SLF2: variants seen among roughly 807,000 people sequenced by gnomAD.
SLF2 encodes SMC5-SMC6 complex localization factor protein 2.
In SLF2, 68 loss-of-function variants were observed where a neutral mutation model predicts 124.3. The ratio of observed to expected loss-of-function variants is 0.55; its 90% CI spans 0.45 to 0.67. SLF2 has a LOEUF of 0.67. SLF2 is among the 30% of genes least tolerant of loss of function. The probability of loss-of-function intolerance (pLI) is 0.00; values close to 1 mark genes in which losing one functional copy is unlikely to be tolerated. For synonymous variants in SLF2, 480 were observed against 478.8 expected (o/e 1.00, Z -0.03); for missense variants, 1,246 against 1,373.7 (o/e 0.91, Z 1.47).
Position 100,930,826 on chromosome 10 carries a change from A to G in SLF2, c.2334-150A>G, listed in dbSNP as rs564774092. The G allele has an allele frequency of 8.4e-6, 5 of 595,792 alleles. No individual in the cohort carries two copies. The African/African-American group carries it at 9.5e-5, about 11-fold the overall frequency. The allele number at this position is 595,792 out of a possible 1,614,324, so 36.9% of individuals were successfully genotyped here. A position where few individuals can be genotyped will look rare whatever the true frequency, so the allele number is the denominator to read the frequency against. ...ATCAATTAAATTTATTTTATGAGTA[A>G]CTCATCCATATTGGTATAGAGTCCA... On this transcript the variant is annotated intron_variant, in intron 8 of 19. Transcript: ENST00000238961.
chr10:100,947,639 C>CT lies in SLF2; in HGVS notation c.3033-119dup, dbSNP rs1464226488. 7 of 633,582 alleles carry CT rather than the reference C, an allele frequency of 1.1e-5. No homozygotes were observed. The African/African-American group carries it at 1.3e-4, about 12-fold the overall frequency. The allele number at this position is 633,582 out of a possible 1,614,324, so 39.2% of individuals were successfully genotyped here. A position where few individuals can be genotyped will look rare whatever the true frequency, so the allele number is the denominator to read the frequency against. Reference sequence around the variant, plus strand: ...AACAGCTTATATGTTCCTGTACAGACTTCTCTTGAAACATTGCCTATATTT... The same window carrying CT: ...AACAGCTTATATGTTCCTGTACAGACTTTCTCTTGAAACATTGCCTATATTT... On this transcript the variant is annotated intron_variant, in intron 14 of 19. Transcript: ENST00000238961.
chr10:100,958,136 G>T (rs1295979437), intron 18 of SLF2, among the ~76,000 whole-genome samples: 2 of 152,098 alleles, frequency 1.3e-5, no homozygotes. Context: ...TTTTAGCTTT[G>T]ATAATGTAAT....
Position 100,961,927 on chromosome 10 carries a change from G to C in SLF2, c.*15G>C. The stretch of plus-strand genomic sequence containing the variant: ...CAGATTCTTAATAGGAGTTGCAGCA[G>C]CAAAAATATGAACCAAGAGAAATTC... On this transcript the variant is annotated 3_prime_UTR_variant, in exon 20 of 20. Coordinates refer to ENST00000238961, the MANE Select transcript of SLF2 (RefSeq NM_018121.4). 1 of 1,601,098 alleles carries C rather than the reference G, an allele frequency of 6.2e-7. No individual in the cohort carries two copies. Among genetic ancestry groups the C allele is most frequent in the South Asian group, 1.1e-5 (1 of 89,490 alleles).
chr10:100,929,499 T>A, intron 7 of SLF2, 60 bp downstream of exon 7: 1 of 1,448,490 alleles, frequency 6.9e-7, no homozygotes, highest in South Asian at 1.5e-5. Context: ...TTTAGTTTTG[T>A]TTTTGTAAAA....
chr10:100,952,048 A>C (rs1850225408), intron 17 of SLF2, among the ~76,000 whole-genome samples: 1 of 152,066 alleles, frequency 6.6e-6, no homozygotes, highest in South Asian at 2.1e-4. Flanking sequence ...GTTCAAGACC[A>C]GCCTGGCCAG....
At chr10:100,949,598 C>CTTTTT (rs1283936572) in intron 15 of SLF2, among the ~76,000 whole-genome samples, 1 of 144,630 alleles carries the variant, frequency 6.9e-6, no homozygotes, top group Non-Finnish European at 1.5e-5. Context: ...CTTAAAATCC[C>CTTTTT]TTTTTTTTTT....
Position 100,963,184 on chromosome 10 carries a change from CAG to C in SLF2, c.*1274_*1275del, listed in dbSNP as rs1262789960. 1 of 152,472 alleles carries C rather than the reference CAG, an allele frequency of 6.6e-6. No individual in the cohort carries two copies. The highest frequency in any genetic ancestry group is 1.5e-5 in the Non-Finnish European group (1 of 68,022). 9.4% of individuals were successfully genotyped at this position (152,472 alleles called of 1,614,324 possible). ...GGGGGGGAAAGATGATGGAGGGGAA[CAG>C]AAACTGGACTTGATGTTTGCGGTTT... On this transcript the variant is annotated 3_prime_UTR_variant, in exon 20 of 20. Transcript: ENST00000238961.
chr10:100,916,954 G>A lies in SLF2; in HGVS notation c.569G>A (p.Arg190Gln), dbSNP rs1226653549. 3.1e-6 allele frequency: 5 copies of A among 1,613,974 alleles called. No individual in the cohort carries two copies. Among genetic ancestry groups the A allele is most frequent in the African/African-American group, 2.7e-5 (2 of 74,896 alleles). Residue 190 changes from arginine to glutamine, a missense_variant, in exon 3 of 20, where the codon CGA (arginine) becomes CAA (glutamine). Physicochemically the swap from Arg to Gln is conservative, Grantham distance 43. Around this residue, in one of 3 missense-constraint regions of SLF2, gnomAD observed 698 missense variants for 708.9 expected, o/e 0.98. Transcript: ENST00000238961. ...HENNEKNDRD[R>Q]GKTNADSKKQ... is the part of the protein sequence containing the mutation. ...AATAATGAGAAGAATGATAGAGATC[G>A]AGGCAAAACCAATGCAGACTCCAAA...
rs551720095 is a variant in SLF2, at chr10:100,963,398, T to G, written c.*1486T>G. The G allele has an allele frequency of 6.5e-6, 1 of 152,714 alleles. No homozygotes were observed. Among genetic ancestry groups the G allele is most frequent in the South Asian group, 2.1e-4 (1 of 4,818 alleles). 9.5% of individuals were successfully genotyped at this position (152,714 alleles called of 1,614,324 possible). On this transcript the variant is annotated 3_prime_UTR_variant, in exon 20 of 20. Transcript: ENST00000238961. ...CCAGTTTCCAAGAACCTAAACTGAT[T>G]GAGGCTCCAAGAGTCAGACCAACAA...
At chr10:100,936,155 C>T (rs552365329) in intron 9 of SLF2, among the ~76,000 whole-genome samples, 2 of 151,992 alleles carry the variant, frequency 1.3e-5, no homozygotes, top group East Asian at 1.9e-4. Context: ...GACACTGCGC[C>T]TGGCCCTAGT....
intron 18 of SLF2, among the ~76,000 whole-genome samples, 192 bp from the exon 19 acceptor site, chr10:100,959,236 G>A (rs1418254933): frequency 6.6e-6 from 1 of 152,190 alleles, no homozygotes; most frequent in African/African-American, 2.4e-5. Context: ...GATAAAGGGA[G>A]TCTTATTAAT....
chr10:100,957,213 CA>C (rs1480160377), intron 18 of SLF2, among the ~76,000 whole-genome samples: 1 of 151,568 alleles, frequency 6.6e-6, no homozygotes, highest in Non-Finnish European at 1.5e-5. Context: ...AGTTATGAAA[CA>C]GTGGCTTTGA....
chr10:100,920,359 C>T (rs1454810176), intron 4 of SLF2, among the ~76,000 whole-genome samples: 1 of 152,020 alleles, frequency 6.6e-6, no homozygotes, highest in Non-Finnish European at 1.5e-5. Context: ...TTCATGGTGG[C>T]TAAAGTAGTT....
intron 12 of SLF2, among the ~76,000 whole-genome samples, 177 bp downstream of exon 12, chr10:100,944,305 C>T (rs1348511100): frequency 6.6e-6 from 1 of 151,892 alleles, no homozygotes; most frequent in African/African-American, 2.4e-5. Context: ...ACCATCCTGG[C>T]TAACACGGTG....
chr10:100,945,601 A>G (rs1369651751), intron 13 of SLF2, 95 bp downstream of exon 13: 2 of 948,982 alleles, frequency 2.1e-6, no homozygotes, highest in Non-Finnish European at 2.9e-6. Flanking sequence ...TAAACTCAAG[A>G]TCTTTGGCGG....
Position 100,929,454 on chromosome 10 carries a change from A to C in SLF2, c.2165+15A>C. On this transcript the variant is annotated intron_variant, in intron 7 of 19. Coordinates refer to ENST00000238961, the MANE Select transcript of SLF2 (RefSeq NM_018121.4). The stretch of plus-strand genomic sequence containing the variant: ...GAAGAGCACAAGTATAGCATTTTTC[A>C]TAATGTATTTTACCTTATTAAAGTT... The C allele has an allele frequency of 1.3e-6, 2 of 1,574,788 alleles. No homozygotes were observed. The highest frequency in any genetic ancestry group is 1.7e-6 in the Non-Finnish European group (2 of 1,164,826).
intron 11 of SLF2, among the ~76,000 whole-genome samples, chr10:100,941,640 C>T (rs780376442): frequency 5.9e-5 from 9 of 152,170 alleles, no homozygotes; most frequent in Non-Finnish European, 1.0e-4. Flanking sequence ...TTTACCCTGA[C>T]CTGTTTTCTG....
At chr10:100,934,516 A>G (rs1270942863) in intron 9 of SLF2, among the ~76,000 whole-genome samples, 2 of 152,138 alleles carry the variant, frequency 1.3e-5, no homozygotes, top group Non-Finnish European at 2.9e-5. Flanking sequence ...TTTTTTTCAC[A>G]TAGATTGTGT....
chr10:100,913,902 CTTTTA>C (rs1379266606), intron 1 of SLF2: 4 of 981,434 alleles, frequency 4.1e-6, no homozygotes, highest in East Asian at 1.1e-4. Context: ...TTGGTACTGT[CTTTTA>C]TTTTAAGTTA....
Sources: gnomAD v4.1 joint callset for allele counts (sites outside exome capture counted in the v4.1 genomes callset) on GRCh38, gnomAD v4.1.1 for gene constraint, gnomAD v4.1.1 regional missense constraint, MANE v1.5 for transcripts, NCBI Gene and HGNC (gene_info 2026-07-23, HGNC 2026-07-21) for gene names.